The following BABAM2 variants were observed in gnomAD, a reference collection of about 807,000 sequenced individuals.
The protein encoded by BABAM2 is BRISC and BRCA1-A complex member 2.
Under a neutral mutation model 54.7 loss-of-function variants are expected in BABAM2, and 31 were observed. That is an observed-to-expected ratio of 0.57 (90% CI 0.43 to 0.77). BABAM2 has a LOEUF of 0.77. BABAM2 is among the 30% of genes least tolerant of loss of function. BABAM2 has a pLI of 0.00. For synonymous variants in BABAM2, 167 were observed against 162.9 expected, an observed-to-expected ratio of 1.03 and a Z score of -0.19; for missense variants, 364 against 455.8, an observed-to-expected ratio of 0.80 and a Z score of 1.83.
chr2:28,226,312 T>C (rs754871491), intron 7 of BABAM2, among the ~76,000 whole-genome samples: 57 of 152,234 alleles, frequency 3.7e-4, no homozygotes, highest in Non-Finnish European at 6.8e-4. Context: ...TTCTTTTCCA[T>C]AATGACTATT....
chr2:28,057,882 G>T lies in BABAM2; in HGVS notation c.570+12083G>T, dbSNP rs192422944. Among the ~76,000 whole-genome samples the T allele has an allele frequency of 3.8e-3, 573 of 152,144 alleles. 3 individuals carry two copies. The highest frequency in any genetic ancestry group is 6.2e-3 in the Admixed American group (94 of 15,278). On this transcript the variant is annotated intron_variant, in intron 6 of 11. Coordinates refer to ENST00000379624, the MANE Select transcript of BABAM2 (RefSeq NM_199191.3). ...AGACAGGCCAGGCACGGTGGCTCAC[G>T]CCTGTAATTCCAGCACTTTGGGAGG...
At chr2:27,981,534 A>C (rs1399875508) in intron 3 of BABAM2, among the ~76,000 whole-genome samples, 1 of 152,160 alleles carries the variant, frequency 6.6e-6, no homozygotes, top group African/African-American at 2.4e-5. Flanking sequence ...ATTGTCTGGC[A>C]ACCATTAATC....
rs931909925 is a variant in BABAM2, at chr2:28,127,097, C to G, written c.571-2174C>G. ...TCTCTGATTTTGTAGGTTGCCTGTT[C>G]ACTCTGATGGTAGTTTCTTTTGCTG... is the stretch of plus-strand genomic sequence containing the variant. On this transcript the variant is annotated intron_variant, in intron 6 of 11. Coordinates refer to ENST00000379624, the MANE Select transcript of BABAM2 (RefSeq NM_199191.3). Among the ~76,000 whole-genome samples, 75 of 152,226 alleles carry G rather than the reference C, an allele frequency of 4.9e-4. 2 individuals are homozygous for G. The highest frequency in any genetic ancestry group is 1.7e-3 in the African/African-American group (72 of 41,540).
At chr2:28,305,380 A>T (rs1688436449) in intron 11 of BABAM2, among the ~76,000 whole-genome samples, 1 of 152,174 alleles carries the variant, frequency 6.6e-6, no homozygotes, top group African/African-American at 2.4e-5. Flanking sequence ...CTTGCATTCC[A>T]AAGATAAACC....
intron 2 of BABAM2, among the ~76,000 whole-genome samples, chr2:27,909,025 C>T (rs2148298662): frequency 6.6e-6 from 1 of 152,030 alleles, no homozygotes; most frequent in East Asian, 1.9e-4. Flanking sequence ...TGATGTTCAG[C>T]ATCTTTTCTT....
chr2:28,114,837 G>C lies in BABAM2; in HGVS notation c.571-14434G>C, dbSNP rs141780908. Among the ~76,000 whole-genome samples, 1,004 of 151,940 alleles carry C rather than the reference G, an allele frequency of 6.6e-3. 6 individuals carry two copies. Among genetic ancestry groups the C allele is most frequent in the Non-Finnish European group, 0.01 (691 of 67,780 alleles). On this transcript the variant is annotated intron_variant, in intron 6 of 11. Coordinates refer to ENST00000379624, the MANE Select transcript of BABAM2 (RefSeq NM_199191.3). ...AACCTGGGGAGAAATGGCCTATTCT[G>C]CCCAAACTTATACCAACTGATTTAC... is the stretch of plus-strand genomic sequence containing the variant.
intron 7 of BABAM2, among the ~76,000 whole-genome samples, chr2:28,139,321 CA>C (rs768755922): frequency 2.6e-3 from 224 of 87,026 alleles, no homozygotes; most frequent in African/African-American, 0.01. Context: ...AACTCCGTCT[CA>C]AAAAAAAAAA....
intron 7 of BABAM2, among the ~76,000 whole-genome samples, chr2:28,234,780 A>G (rs2148051311): frequency 6.6e-6 from 1 of 152,308 alleles, no homozygotes; most frequent in African/African-American, 2.4e-5. Context: ...TTATGAAATC[A>G]TTAGAACCTT....
intron 11 of BABAM2, among the ~76,000 whole-genome samples, chr2:28,330,866 C>A (rs996924691): frequency 6.6e-6 from 1 of 152,056 alleles, no homozygotes; most frequent in African/African-American, 2.4e-5. Flanking sequence ...TAAAAAAGAG[C>A]CCGTATAGCC....
intron 10 of BABAM2, among the ~76,000 whole-genome samples, chr2:28,258,950 T>C (rs957834092): frequency 1.3e-5 from 2 of 149,450 alleles, no homozygotes; most frequent in Non-Finnish European, 3.0e-5. Flanking sequence ...CTAATTTTTG[T>C]ATTTTTGGTA....
At chr2:28,180,487 CA>C (rs1675503505) in intron 7 of BABAM2, among the ~76,000 whole-genome samples, 1 of 152,040 alleles carries the variant, frequency 6.6e-6, no homozygotes, top group Admixed American at 6.6e-5. Context: ...GAAGACTAAA[CA>C]TAAGACCTGA....
At chr2:27,929,733 G>A in intron 2 of BABAM2, 99 bp from the exon 3 acceptor site, 2 of 1,074,084 alleles carry the variant, frequency 1.9e-6, no homozygotes, top group Non-Finnish European at 2.7e-6. Context: ...AATCTGTTTT[G>A]TATAAAGATC....
chr2:27,997,013 G>T (rs554540251), intron 4 of BABAM2, among the ~76,000 whole-genome samples: 1 of 152,052 alleles, frequency 6.6e-6, no homozygotes, highest in African/African-American at 2.4e-5. Flanking sequence ...CAAAGCAAAA[G>T]TACAAAAGAC....
At chr2:28,255,481 G>A (rs568941554) in intron 10 of BABAM2, among the ~76,000 whole-genome samples, 1 of 152,050 alleles carries the variant, frequency 6.6e-6, no homozygotes, top group East Asian at 1.9e-4. Flanking sequence ...CACCATGCTG[G>A]CCAAGCTGGT....
chr2:28,233,006 C>T (rs1374609411), intron 7 of BABAM2: 7 of 313,156 alleles, frequency 2.2e-5, no homozygotes, highest in South Asian at 2.1e-4. Context: ...ACTCTGGCCT[C>T]ATCCTTCTAA....
intron 6 of BABAM2, among the ~76,000 whole-genome samples, chr2:28,117,205 A>G (rs773925958): frequency 6.6e-5 from 10 of 152,194 alleles, no homozygotes; most frequent in Non-Finnish European, 1.5e-4. Flanking sequence ...GCAGGTAAGG[A>G]GGCATGCAGC....
intron 4 of BABAM2, among the ~76,000 whole-genome samples, chr2:27,989,784 A>G (rs1039079993): frequency 3.3e-5 from 5 of 152,196 alleles, no homozygotes; most frequent in Non-Finnish European, 7.3e-5. Context: ...TAAAAAAGTC[A>G]TGTTTACAAC....
intron 4 of BABAM2, among the ~76,000 whole-genome samples, chr2:28,017,409 G>A (rs1239976933): frequency 6.6e-6 from 1 of 152,032 alleles, no homozygotes; most frequent in Non-Finnish European, 1.5e-5. Flanking sequence ...TGCATATTCT[G>A]TATAATTTAT....
At chr2:27,981,138 T>G (rs893271552) in intron 3 of BABAM2, among the ~76,000 whole-genome samples, 1 of 152,134 alleles carries the variant, frequency 6.6e-6, no homozygotes, top group Non-Finnish European at 1.5e-5. Context: ...TCTTTGCAAG[T>G]ATTTATCTTA....
Sources: allele counts gnomAD v4.1 joint callset (sites outside exome capture counted in the v4.1 genomes callset), GRCh38; gene constraint gnomAD v4.1.1; transcripts MANE v1.5; gene names NCBI Gene and HGNC (gene_info 2026-07-23, HGNC 2026-07-21).